DYNC2H1: variants seen among roughly 807,000 people sequenced by gnomAD.
The protein encoded by DYNC2H1 is cytoplasmic dynein 2 heavy chain 1.
A neutral mutation model predicts 570.0 loss-of-function variants in DYNC2H1; 410 were observed. The ratio of observed to expected loss-of-function variants is 0.72; its 90% CI spans 0.66 to 0.78. DYNC2H1 has a LOEUF of 0.78. DYNC2H1 is among the 30% of genes least tolerant of loss of function. DYNC2H1 has a pLI of 0.00. For missense variants in DYNC2H1, 4,865 were observed against 5,046.4 expected (o/e 0.96, Z 1.09); for synonymous variants, 1,688 against 1,677.6 (o/e 1.01, Z -0.15).
intron 69 of DYNC2H1, among the ~76,000 whole-genome samples, chr11:103,259,681 A>G (rs927217598): frequency 1.3e-5 from 2 of 152,158 alleles, no homozygotes; most frequent in Non-Finnish European, 2.9e-5. Flanking sequence ...TCATTTCTTG[A>G]AAGCTTTAAC....
intron 70 of DYNC2H1, among the ~76,000 whole-genome samples, chr11:103,278,732 A>C (rs1443076008): frequency 6.6e-6 from 1 of 152,074 alleles, no homozygotes; most frequent in Non-Finnish European, 1.5e-5. Context: ...ACACCCAGCT[A>C]ATTTTTGTAT....
intron 20 of DYNC2H1, among the ~76,000 whole-genome samples, chr11:103,150,104 G>A (rs1436935382): frequency 6.6e-6 from 1 of 152,320 alleles, no homozygotes; most frequent in South Asian, 2.1e-4. Flanking sequence ...TCAAGGAAGA[G>A]AATGGTATGA....
intron 83 of DYNC2H1, among the ~76,000 whole-genome samples, chr11:103,373,018 A>G (rs1265729451): frequency 6.6e-6 from 1 of 152,074 alleles, no homozygotes; most frequent in Non-Finnish European, 1.5e-5. Context: ...ATCTTGACTC[A>G]CTGCAGCCCC....
intron 82 of DYNC2H1, among the ~76,000 whole-genome samples, chr11:103,353,211 G>A (rs1182887674): frequency 6.6e-6 from 1 of 152,198 alleles, no homozygotes; most frequent in Admixed American, 6.5e-5. Flanking sequence ...CCTAGGTAAT[G>A]CGTTGATAGG....
rs1032262576 is a variant in DYNC2H1 at position 103,372,379 on chromosome 11, G to A, written c.12156+14020G>A. On this transcript the variant is annotated intron_variant, in intron 83 of 88. Coordinates refer to ENST00000375735, the MANE Select transcript of DYNC2H1 (RefSeq NM_001377.3). ...GTTATCTGTGCATTTGTCAAGTGTG[G>A]CCTTTAATTGTGTTGAGGTAGATAA... Among the ~76,000 whole-genome samples, 63 of 152,010 alleles carry A rather than the reference G, an allele frequency of 4.1e-4. 1 individual carries two copies. The highest frequency in any genetic ancestry group is 1.5e-3 in the African/African-American group (62 of 41,388).
At chr11:103,457,574 AATG>A (rs1944838018) in intron 87 of DYNC2H1, among the ~76,000 whole-genome samples, 2 of 152,026 alleles carry the variant, frequency 1.3e-5, no homozygotes, top group African/African-American at 4.8e-5. Flanking sequence ...CTTAAAAAAT[AATG>A]ATATAAAACT....
chr11:103,402,214 T>A (rs1195893679), intron 84 of DYNC2H1: 1 of 152,076 alleles, frequency 6.6e-6, no homozygotes, highest in Non-Finnish European at 1.5e-5. Flanking sequence ...TTCTAAGGGG[T>A]TGAGGGGAAA....
At chr11:103,165,828 T>C (rs944853405) in intron 30 of DYNC2H1, 70 bp from the exon 31 acceptor site, 18 of 1,316,048 alleles carry the variant, frequency 1.4e-5, no homozygotes, top group Non-Finnish European at 1.5e-5. Flanking sequence ...AAAGGTGCCT[T>C]TCTTTAAATT....
In DYNC2H1 at chr11:103,197,977, A is replaced by G; in HGVS notation, c.7753A>G (p.Arg2585Gly). The change falls in exon 48 of 89, where the codon AGG becomes GGG. Residue 2585 changes from arginine to glycine, a missense_variant. Around this residue, in one of 5 missense-constraint regions of DYNC2H1, gnomAD observed 2,401 missense variants for 2,454.6 expected, o/e 0.98. Transcript: ENST00000375735. ...TWGARHNSGARAAPGQPLPPH... is the reference protein window; with the variant it reads ...TWGARHNSGAGAAPGQPLPPH... ...GGGAGCTCGGCATAATTCAGGAGCA[A>G]GGGCAGCCCCAGGACAACCATTACC... 1 of 1,568,278 alleles carries G rather than the reference A, an allele frequency of 6.4e-7. No homozygotes were observed. The highest frequency in any genetic ancestry group is 8.7e-7 in the Non-Finnish European group (1 of 1,155,564).
At chr11:103,419,278 A>G (rs1943397786) in intron 84 of DYNC2H1, among the ~76,000 whole-genome samples, 2 of 152,206 alleles carry the variant, frequency 1.3e-5, no homozygotes, top group Admixed American at 1.3e-4. Context: ...TTGCTCTACA[A>G]AAATGAGCCA....
At position 103,235,699 on chromosome 11, in the gene DYNC2H1, A is replaced by G. The variant is rs1358151943; in HGVS notation, c.9595A>G (p.Thr3199Ala). The change falls in exon 62 of 89, where the codon ACT becomes GCT. Residue 3199 changes from threonine to alanine, a missense_variant. By Grantham distance (58) the Thr-to-Ala change is moderately conservative. Transcript: ENST00000375735. ...TGTAGAGATAACAGAGGAATTAGCT[A>G]CTCTTCCTAAAAGAGCTCAACTTGC... ...QVVEITEELA[T>A]LPKRAQLAAA... The G allele has an allele frequency of 1.2e-6, 2 of 1,609,720 alleles. No homozygotes were observed. The highest frequency in any genetic ancestry group is 1.7e-6 in the Non-Finnish European group (2 of 1,177,656).
intron 17 of DYNC2H1, among the ~76,000 whole-genome samples, chr11:103,136,550 T>C (rs1260639458): frequency 1.3e-5 from 2 of 152,214 alleles, no homozygotes; most frequent in African/African-American, 2.4e-5. Flanking sequence ...ACAAAAGACA[T>C]GAACTCATCA....
intron 65 of DYNC2H1, among the ~76,000 whole-genome samples, chr11:103,248,634 A>T (rs1471523100): frequency 6.6e-6 from 1 of 152,072 alleles, no homozygotes; most frequent in African/African-American, 2.4e-5. Flanking sequence ...GGTTTCCAAA[A>T]TTCAGACAGA....
chr11:103,449,558 C>T (rs1228650253), intron 85 of DYNC2H1, among the ~76,000 whole-genome samples: 2 of 152,154 alleles, frequency 1.3e-5, no homozygotes, highest in African/African-American at 4.8e-5. Context: ...CACTCAACCA[C>T]GTAATCAATA....
intron 65 of DYNC2H1, among the ~76,000 whole-genome samples, chr11:103,250,200 ATAAT>A (rs2135245056): frequency 6.6e-6 from 1 of 152,116 alleles, no homozygotes; most frequent in African/African-American, 2.4e-5. Flanking sequence ...TATATTTTAA[ATAAT>A]ATTCTCATCT....
Position 103,220,647 on chromosome 11 carries a change from G to A in DYNC2H1, c.8971G>A (p.Ala2991Thr). 6.2e-7 allele frequency: 1 copy of A among 1,609,586 alleles called. No homozygotes were observed. Among genetic ancestry groups the A allele is most frequent in the Non-Finnish European group, 8.5e-7 (1 of 1,177,922 alleles). ...VQPLVNEAKL[A>T]VGNIKPESLS... ...GCCTTTAGTCAATGAAGCTAAACTA[G>A]CAGTTGGAAACATTAAGCCCGAATC... The change falls in exon 57 of 89, where the codon GCA (alanine) becomes ACA (threonine). Residue 2991 changes from alanine (A) to threonine (T), a missense_variant. By Grantham distance (58) the Ala-to-Thr change is moderately conservative. Coordinates refer to ENST00000375735, the MANE Select transcript of DYNC2H1 (RefSeq NM_001377.3).
At chr11:103,164,487 T>G (rs1861219073) in intron 30 of DYNC2H1, among the ~76,000 whole-genome samples, 1 of 152,224 alleles carries the variant, frequency 6.6e-6, no homozygotes, top group African/African-American at 2.4e-5. Context: ...TTCAGTTACT[T>G]TTTTTATATG....
At chr11:103,320,725 A>G (rs1431969702) in intron 80 of DYNC2H1, among the ~76,000 whole-genome samples, 3 of 152,154 alleles carry the variant, frequency 2.0e-5, no homozygotes, top group African/African-American at 7.2e-5. Context: ...TCGAGATTGT[A>G]TAACTTTCTC....
intron 84 of DYNC2H1, among the ~76,000 whole-genome samples, chr11:103,431,137 T>G (rs1398465147): frequency 2.0e-5 from 3 of 151,806 alleles, no homozygotes; most frequent in Non-Finnish European, 4.4e-5. Flanking sequence ...TTGTGACATC[T>G]TTCATGAAAT....
Sources: allele counts gnomAD v4.1 joint callset (sites outside exome capture counted in the v4.1 genomes callset), GRCh38; gene constraint gnomAD v4.1.1; regional missense constraint gnomAD v4.1.1; transcripts MANE v1.5; gene names NCBI Gene and HGNC (gene_info 2026-07-23, HGNC 2026-07-21).